NOPCHAP1: variants seen among roughly 807,000 people sequenced by gnomAD.
NOPCHAP1 encodes the protein NOP protein chaperone 1.
Under a neutral mutation model 14.0 loss-of-function variants are expected in NOPCHAP1, and 13 were observed. That is an observed-to-expected ratio of 0.93 (90% CI 0.60 to 1.47). NOPCHAP1 has a LOEUF of 1.47. Ranked by LOEUF, NOPCHAP1 falls within the 40% of genes most tolerant of loss-of-function variation. The pLI is 0.00. For missense variants in NOPCHAP1, 230 were observed against 226.9 expected, an observed-to-expected ratio of 1.01 and a Z score of -0.09; for synonymous variants, 78 against 78.4, an observed-to-expected ratio of 1.00 and a Z score of 0.03.
rs2136029469 is a variant in NOPCHAP1 at position 104,999,995 on chromosome 12, T to G, written c.*5299T>G. On this transcript the variant is annotated 3_prime_UTR_variant, in exon 4 of 4. Transcript: ENST00000552951. ...GTCTCTTGGTGGCAGATGTTCCTTCTGGCTGCATCTAGCTGATCATCTTGC... is the reference window on the plus strand; with the variant it reads ...GTCTCTTGGTGGCAGATGTTCCTTCGGGCTGCATCTAGCTGATCATCTTGC... 1 of 152,414 alleles carries G rather than the reference T, an allele frequency of 6.6e-6. No individual in the cohort carries two copies. Among genetic ancestry groups the G allele is most frequent in the South Asian group, 2.1e-4 (1 of 4,824 alleles). The allele number at this position is 152,414 out of a possible 1,614,324, so 9.4% of individuals were successfully genotyped here. A position where few individuals can be genotyped will look rare whatever the true frequency, so the allele number is the denominator to read the frequency against.
rs962892335 is a variant in NOPCHAP1, at chr12:105,012,162, C to T, written c.*17466C>T. 1.3e-5 allele frequency: 2 copies of T among 152,194 alleles called. No homozygotes were observed. The highest frequency in any genetic ancestry group is 1.3e-4 in the Admixed American group (2 of 15,284). 9.4% of individuals were successfully genotyped at this position (152,194 alleles called of 1,614,324 possible). On this transcript the variant is annotated 3_prime_UTR_variant, in exon 4 of 4. Transcript: ENST00000552951. ...TAGGCTAGGTCTTTTCACATAGTCT[C>T]ATATTTCTTGGACGCTTTGTTCCTT...
At chr12:104,993,256 T>G (rs1464524746) in intron 3 of NOPCHAP1, among the ~76,000 whole-genome samples, 1 of 152,216 alleles carries the variant, frequency 6.6e-6, no homozygotes, top group Non-Finnish European at 1.5e-5. Context: ...TACATTAGGT[T>G]CTGTGGGCCT....
Position 104,996,202 on chromosome 12 carries a change from C to T in NOPCHAP1, c.*1506C>T, listed in dbSNP as rs892983812. ...TTTCTGTAGACCAATACAGGCAGAC[C>T]CTCTGAGGCTGGAAAAGAGGGCTAC... On this transcript the variant is annotated 3_prime_UTR_variant, in exon 4 of 4. Coordinates refer to ENST00000552951, the MANE Select transcript of NOPCHAP1 (RefSeq NM_152318.3). The T allele has an allele frequency of 3.9e-5, 6 of 152,104 alleles. No individual in the cohort carries two copies. Among genetic ancestry groups the T allele is most frequent in the Admixed American group, 2.6e-4 (4 of 15,278 alleles). The allele number at this position is 152,104 out of a possible 1,614,324, so 9.4% of individuals were successfully genotyped here. A position where few individuals can be genotyped will look rare whatever the true frequency, so the allele number is the denominator to read the frequency against.
chr12:105,003,590 C>T lies in NOPCHAP1; in HGVS notation c.*8894C>T, dbSNP rs184159664. The T allele has an allele frequency of 6.6e-6, 1 of 152,350 alleles. No individual in the cohort carries two copies. Among genetic ancestry groups the T allele is most frequent in the East Asian group, 1.9e-4 (1 of 5,190 alleles). The allele number at this position is 152,350 out of a possible 1,614,324, so 9.4% of individuals were successfully genotyped here. A position where few individuals can be genotyped will look rare whatever the true frequency, so the allele number is the denominator to read the frequency against. Reference sequence around the variant, plus strand: ...CCCAGCAAATACATTCATTTGGTCACTAGGGTGCTCCTGGGCGGTTGTTGG... The same window carrying T: ...CCCAGCAAATACATTCATTTGGTCATTAGGGTGCTCCTGGGCGGTTGTTGG... On this transcript the variant is annotated 3_prime_UTR_variant, in exon 4 of 4. Coordinates refer to ENST00000552951, the MANE Select transcript of NOPCHAP1 (RefSeq NM_152318.3).
rs1245419066 is a variant in NOPCHAP1, at chr12:104,996,582, A to G, written c.*1886A>G. ...CCTTCTTTGCATCCATGTGTACTCA[A>G]CGTTTAGCTCCCACTAATAAGTGAG... On this transcript the variant is annotated 3_prime_UTR_variant, in exon 4 of 4. Transcript: ENST00000552951. The G allele has an allele frequency of 2.6e-5, 4 of 152,130 alleles. No homozygotes were observed. Among genetic ancestry groups the G allele is most frequent in the Non-Finnish European group, 5.9e-5 (4 of 68,034 alleles). 9.4% of individuals were successfully genotyped at this position (152,130 alleles called of 1,614,324 possible). A position where few individuals can be genotyped will look rare whatever the true frequency, so the allele number is the denominator to read the frequency against.
intron 3 of NOPCHAP1, among the ~76,000 whole-genome samples, chr12:104,992,683 G>A (rs372099340): frequency 1.2e-4 from 18 of 152,210 alleles, no homozygotes; most frequent in Middle Eastern, 3.4e-3. Context: ...GGGTGAGAGC[G>A]CATTACCACC....
At position 105,015,788 on chromosome 12, in the gene NOPCHAP1, T is replaced by A. The variant is rs1248244561; in HGVS notation, c.*21092T>A. The A allele has an allele frequency of 6.6e-6, 1 of 152,238 alleles. No individual in the cohort carries two copies. The highest frequency in any genetic ancestry group is 2.4e-5 in the African/African-American group (1 of 41,462). 9.4% of individuals were successfully genotyped at this position (152,238 alleles called of 1,614,324 possible). ...ATGTATCCCCCATGGATAAGACTAC[T>A]TGTATAATCTGGTAAAATGGATGAA... On this transcript the variant is annotated 3_prime_UTR_variant, in exon 4 of 4. Coordinates refer to ENST00000552951, the MANE Select transcript of NOPCHAP1 (RefSeq NM_152318.3).
Position 105,004,590 on chromosome 12 carries a change from T to C in NOPCHAP1, c.*9894T>C, listed in dbSNP as rs1159908246. ...AAATAAATAAAAATTACCAGTTTTG[T>C]TTTAAATTATCTGTTTGAATAAAAT... On this transcript the variant is annotated 3_prime_UTR_variant, in exon 4 of 4. Transcript: ENST00000552951. The C allele has an allele frequency of 1.3e-5, 2 of 152,170 alleles. No homozygotes were observed. The highest frequency in any genetic ancestry group is 6.6e-5 in the Admixed American group (1 of 15,266). 9.4% of individuals were successfully genotyped at this position (152,170 alleles called of 1,614,324 possible). A position where few individuals can be genotyped will look rare whatever the true frequency, so the allele number is the denominator to read the frequency against.
At chr12:104,994,107 G>A (rs1565939145) in intron 3 of NOPCHAP1, among the ~76,000 whole-genome samples, 1 of 152,204 alleles carries the variant, frequency 6.6e-6, no homozygotes, top group South Asian at 2.1e-4. Context: ...CGCTTTGGGA[G>A]GGCAAGGTGG....
Position 104,994,904 on chromosome 12 carries a change from C to CCT in NOPCHAP1, c.*210_*211dup, listed in dbSNP as rs372205240. 772 of 536,224 alleles carry CCT rather than the reference C, an allele frequency of 1.4e-3. 4 individuals carry two copies. Among genetic ancestry groups the CCT allele is most frequent in the African/African-American group, 0.014 (724 of 52,474 alleles). 33.2% of individuals were successfully genotyped at this position (536,224 alleles called of 1,614,324 possible). On this transcript the variant is annotated 3_prime_UTR_variant, in exon 4 of 4. Transcript: ENST00000552951. ...TTGTAAACTGAAAGGGGTTCAGAGA[C>CCT]CTCCGCTCTACAGCAAGGAAAGTGT...
rs1226433617 is a variant in NOPCHAP1 at position 105,015,003 on chromosome 12, TTTCTTTGAATTCTG to T, written c.*20314_*20327del. On this transcript the variant is annotated 3_prime_UTR_variant, in exon 4 of 4. Transcript: ENST00000552951. ...ACTTTGTCTGCTAATGTTTTCGGGT[TTTCTTTGAATTCTG>T]TTCTTTCCAATTCTTCACATTGGCC... is the stretch of plus-strand genomic sequence containing the variant. The T allele has an allele frequency of 3.3e-5, 5 of 152,256 alleles. No individual in the cohort carries two copies. The highest frequency in any genetic ancestry group is 5.9e-5 in the Non-Finnish European group (4 of 68,046). The allele number at this position is 152,256 out of a possible 1,614,324, so 9.4% of individuals were successfully genotyped here.
intron 1 of NOPCHAP1, among the ~76,000 whole-genome samples, chr12:104,987,531 G>A (rs565861014): frequency 9.8e-5 from 15 of 152,298 alleles, no homozygotes; most frequent in African/African-American, 3.6e-4. Context: ...TTTAACCAGA[G>A]AGTTAAGGGA....
chr12:105,015,281 C>T lies in NOPCHAP1; in HGVS notation c.*20585C>T, dbSNP rs1873923586. 1 of 152,216 alleles carries T rather than the reference C, an allele frequency of 6.6e-6. No individual in the cohort carries two copies. The highest frequency in any genetic ancestry group is 2.4e-5 in the African/African-American group (1 of 41,442). The allele number at this position is 152,216 out of a possible 1,614,324, so 9.4% of individuals were successfully genotyped here. On this transcript the variant is annotated 3_prime_UTR_variant, in exon 4 of 4. Coordinates refer to ENST00000552951, the MANE Select transcript of NOPCHAP1 (RefSeq NM_152318.3). Reference sequence around the variant, plus strand: ...TTTCTTCCACTGGATGCTATGCTACCTTGTGTGAACAGTTGCATTTGTCTG... The same window carrying T: ...TTTCTTCCACTGGATGCTATGCTACTTTGTGTGAACAGTTGCATTTGTCTG...
rs1273371376 is a variant in NOPCHAP1, at chr12:105,001,398, A to T, written c.*6702A>T. The T allele has an allele frequency of 6.6e-6, 1 of 152,196 alleles. No individual in the cohort carries two copies. The highest frequency in any genetic ancestry group is 2.4e-5 in the African/African-American group (1 of 41,456). The allele number at this position is 152,196 out of a possible 1,614,324, so 9.4% of individuals were successfully genotyped here. A position where few individuals can be genotyped will look rare whatever the true frequency, so the allele number is the denominator to read the frequency against. Reference sequence around the variant, plus strand: ...TAGAAATGTACCACCTAAAATTTGGATTATCTTTCCAGGATTATGAGCTTG... The same window carrying T: ...TAGAAATGTACCACCTAAAATTTGGTTTATCTTTCCAGGATTATGAGCTTG... On this transcript the variant is annotated 3_prime_UTR_variant, in exon 4 of 4. Coordinates refer to ENST00000552951, the MANE Select transcript of NOPCHAP1 (RefSeq NM_152318.3).
rs1287852873 is a variant in NOPCHAP1 at position 104,994,808 on chromosome 12, T to C, written c.*112T>C. ...CAGGCACCTATGGTGCTTTTATATG[T>C]TAAAAACTTTAGACAAGTTAAATTT... On this transcript the variant is annotated 3_prime_UTR_variant, in exon 4 of 4. Transcript: ENST00000552951. 1.1e-6 allele frequency: 1 copy of C among 911,258 alleles called. No homozygotes were observed. The highest frequency in any genetic ancestry group is 1.7e-6 in the Non-Finnish European group (1 of 588,810). 56.4% of individuals were successfully genotyped at this position (911,258 alleles called of 1,614,324 possible).
chr12:104,987,878 G>T (rs1386288551), intron 1 of NOPCHAP1, among the ~76,000 whole-genome samples: 1 of 152,140 alleles, frequency 6.6e-6, no homozygotes, highest in African/African-American at 2.4e-5. Flanking sequence ...GCAGACCCAC[G>T]TTTGTCTGCT....
In NOPCHAP1 at chr12:105,011,858, C is replaced by T. The variant is rs746812137; in HGVS notation, c.*17162C>T. The T allele has an allele frequency of 1.3e-5, 2 of 152,182 alleles. No homozygotes were observed. Among genetic ancestry groups the T allele is most frequent in the Non-Finnish European group, 2.9e-5 (2 of 68,024 alleles). The allele number at this position is 152,182 out of a possible 1,614,324, so 9.4% of individuals were successfully genotyped here. A position where few individuals can be genotyped will look rare whatever the true frequency, so the allele number is the denominator to read the frequency against. On this transcript the variant is annotated 3_prime_UTR_variant, in exon 4 of 4. Coordinates refer to ENST00000552951, the MANE Select transcript of NOPCHAP1 (RefSeq NM_152318.3). Reference sequence around the variant, plus strand: ...CTTGTAGGGTTTCTTCAGAGAGATCCACTGTTAGTCTGATGGGCTTCCCTT... The same window carrying T: ...CTTGTAGGGTTTCTTCAGAGAGATCTACTGTTAGTCTGATGGGCTTCCCTT...
rs1023571029 is a variant in NOPCHAP1, at chr12:105,011,822, C to A, written c.*17126C>A. 5 of 152,208 alleles carry A rather than the reference C, an allele frequency of 3.3e-5. No individual in the cohort carries two copies. Among genetic ancestry groups the A allele is most frequent in the Non-Finnish European group, 7.3e-5 (5 of 68,030 alleles). The allele number at this position is 152,208 out of a possible 1,614,324, so 9.4% of individuals were successfully genotyped here. ...TAAGAATGTTGAATATTGGCCCCCA[C>A]TCTCTTCTGGCTTGTAGGGTTTCTT... On this transcript the variant is annotated 3_prime_UTR_variant, in exon 4 of 4. Coordinates refer to ENST00000552951, the MANE Select transcript of NOPCHAP1 (RefSeq NM_152318.3).
chr12:104,999,399 C>G lies in NOPCHAP1; in HGVS notation c.*4703C>G, dbSNP rs1873565392. The G allele has an allele frequency of 6.6e-6, 1 of 152,386 alleles. No individual in the cohort carries two copies. The highest frequency in any genetic ancestry group is 2.4e-5 in the African/African-American group (1 of 41,402). The allele number at this position is 152,386 out of a possible 1,614,324, so 9.4% of individuals were successfully genotyped here. On this transcript the variant is annotated 3_prime_UTR_variant, in exon 4 of 4. Transcript: ENST00000552951. ...CAACTCAGGTGCTATAGCGTAGGCC[C>G]CCAGGACGCACCCCACCTGGGCATC...
Sources: gnomAD v4.1 joint callset for allele counts (sites outside exome capture counted in the v4.1 genomes callset) on GRCh38, gnomAD v4.1.1 for gene constraint, MANE v1.5 for transcripts, NCBI Gene and HGNC (gene_info 2026-07-23, HGNC 2026-07-21) for gene names.